SPOCK2: variants seen among roughly 807,000 people sequenced by gnomAD.
SPOCK2 encodes testican-2.
Under a neutral mutation model 60.1 loss-of-function variants are expected in SPOCK2, and 39 were observed. The observed-to-expected ratio is 0.65, with a 90% CI of 0.50 to 0.85. The LOEUF (loss-of-function observed/expected upper bound fraction) is 0.85, where lower values mean the gene tolerates loss of function less well. Ranked by LOEUF, SPOCK2 falls within the 40% of genes least tolerant of loss-of-function variation. The probability of loss-of-function intolerance (pLI) is 0.00; values close to 1 mark genes in which losing one functional copy is unlikely to be tolerated. For missense variants in SPOCK2, 523 were observed against 567.4 expected, an observed-to-expected ratio of 0.92 and a Z score of 0.80; for synonymous variants, 217 against 231.5, an observed-to-expected ratio of 0.94 and a Z score of 0.57.
Position 72,072,496 on chromosome 10 carries a change from A to G in SPOCK2, c.244+7T>C, listed in dbSNP as rs375869282. 6.2e-7 allele frequency: 1 copy of G among 1,613,858 alleles called. No individual in the cohort carries two copies. The highest frequency in any genetic ancestry group is 8.5e-7 in the Non-Finnish European group (1 of 1,180,014). ...GTCACCTTCCCCCGCCGGGAGAGTCATGTTACCTTCATCTCCTTGCTGATT... is the reference window on the plus strand; with the variant it reads ...GTCACCTTCCCCCGCCGGGAGAGTCGTGTTACCTTCATCTCCTTGCTGATT... On this transcript the variant is annotated splice_region_variant and intron_variant, in intron 3 of 10. Coordinates refer to ENST00000373109, the MANE Select transcript of SPOCK2 (RefSeq NM_001244950.2).
Position 72,080,053 on chromosome 10 carries a change from C to T in SPOCK2, c.190-7143G>A, listed in dbSNP as rs545789009. Reference sequence around the variant, plus strand: ...GACACAAGACAGGACACCTGAACCCCGGGTTCTCTGGCACACACCCGGGGA... The same window carrying T: ...GACACAAGACAGGACACCTGAACCCTGGGTTCTCTGGCACACACCCGGGGA... On this transcript the variant is annotated intron_variant, in intron 1 of 10. Transcript: ENST00000373109. 1.4e-4 allele frequency among the ~76,000 whole-genome samples: 22 copies of T among 152,202 alleles called. No homozygotes were observed. In the South Asian group the frequency reaches 3.5e-3, roughly 24 times the overall value.
At chr10:72,064,093 G>T (rs1175993474) in intron 9 of SPOCK2, 85 bp downstream of exon 9, 7 of 1,524,840 alleles carry the variant, frequency 4.6e-6, no homozygotes, top group Non-Finnish European at 6.2e-6. Flanking sequence ...CTGCCATGAG[G>T]CCCAAGGCTG....
rs2306322 is a variant in SPOCK2 at position 72,063,097 on chromosome 10, C to T, written c.1057G>A (p.Gly353Ser). 4.3e-3 allele frequency: 6,641 copies of T among 1,555,236 alleles called. 34 individuals carry two copies. Among genetic ancestry groups the T allele is most frequent in the East Asian group, 0.022 (903 of 41,110 alleles). The change falls in exon 10 of 11, where the codon GGT (glycine) becomes AGT (serine). Residue 353 changes from glycine (G) to serine (S), a missense_variant. Gly to Ser is a moderately conservative substitution (Grantham distance 56, BLOSUM62 0). Coordinates refer to ENST00000373109, the MANE Select transcript of SPOCK2 (RefSeq NM_001244950.2). ...YRKMQCDQSS[G>S]DCWCVDQLGL... ...AGCTGGTCCACACACCAGCAGTCAC[C>T]GCTGCTCTGGTCACACTGCATCTTC...
At chr10:72,088,062 GC>G in intron 1 of SPOCK2, 77 bp downstream of exon 1, 2 of 1,543,590 alleles carry the variant, frequency 1.3e-6, no homozygotes, top group South Asian at 1.2e-5. Context: ...ACGTGCGGCG[GC>G]CGCTCCCGCA....
intron 9 of SPOCK2, among the ~76,000 whole-genome samples, chr10:72,063,604 G>A (rs906458040): frequency 6.6e-6 from 1 of 152,222 alleles, no homozygotes; most frequent in African/African-American, 2.4e-5. Flanking sequence ...TTGCTTTCCT[G>A]CAGGCTCCCC....
In SPOCK2 at chr10:72,063,109, C is replaced by A; in HGVS notation, c.1045G>T (p.Asp349Tyr). 1 of 1,555,958 alleles carries A rather than the reference C, an allele frequency of 6.4e-7. No homozygotes were observed. The highest frequency in any genetic ancestry group is 8.7e-7 in the Non-Finnish European group (1 of 1,149,372). The stretch of plus-strand genomic sequence containing the variant: ...CACCAGCAGTCACCGCTGCTCTGGT[C>A]ACACTGCATCTTCCGGTAGTAGCCA... ...EDGYYRKMQCDQSSGDCWCVD... is the reference protein window; with the variant it reads ...EDGYYRKMQCYQSSGDCWCVD... The change falls in exon 10 of 11, where the codon GAC (aspartate) becomes TAC (tyrosine). Residue 349 changes from aspartate to tyrosine, a missense_variant. Coordinates refer to ENST00000373109, the MANE Select transcript of SPOCK2 (RefSeq NM_001244950.2).
chr10:72,072,302 C>T, intron 3 of SPOCK2, 44 bp from the exon 4 acceptor site: 1 of 1,477,196 alleles, frequency 6.8e-7, no homozygotes, highest in Non-Finnish European at 9.0e-7. Context: ...TGGGAGAACC[C>T]AGGAACCTCC....
intron 5 of SPOCK2, 151 bp from the exon 6 acceptor site, chr10:72,068,452 G>A: frequency 2.5e-6 from 2 of 789,502 alleles, no homozygotes; most frequent in South Asian, 1.9e-5. Flanking sequence ...TGGTTCCTCT[G>A]CAGACTGAGG....
intron 5 of SPOCK2, chr10:72,069,011 G>A (rs1840610216): frequency 6.5e-6 from 1 of 152,978 alleles, no homozygotes; most frequent in Non-Finnish European, 1.5e-5. Flanking sequence ...CCAGTGACTT[G>A]CCCAAGGCCA....
Position 72,062,458 on chromosome 10 carries a change from A to G in SPOCK2, c.*302T>C, listed in dbSNP as rs373390587. 8 of 431,754 alleles carry G rather than the reference A, an allele frequency of 1.9e-5. 1 individual carries two copies. The highest frequency in any genetic ancestry group is 6.1e-5 in the African/African-American group (3 of 49,106). The allele number at this position is 431,754 out of a possible 1,614,324, so 26.7% of individuals were successfully genotyped here. ...AACAACAAAAGGAAAGAAAACAGCTACAAGGAGGCCGAAGGGGCCTTTGGG... is the reference window on the plus strand; with the variant it reads ...AACAACAAAAGGAAAGAAAACAGCTGCAAGGAGGCCGAAGGGGCCTTTGGG... On this transcript the variant is annotated 3_prime_UTR_variant, in exon 11 of 11. Coordinates refer to ENST00000373109, the MANE Select transcript of SPOCK2 (RefSeq NM_001244950.2). This position sits in a 1 kb window ranked among gnomAD's most constrained non-coding sequence, Gnocchi z 4.3.
At position 72,067,055 on chromosome 10, in the gene SPOCK2, T is replaced by C. The variant is rs746401244; in HGVS notation, c.775A>G (p.Thr259Ala). ...TGGTCCAGGAAGAGGTCAGCACTGG[T>C]GTCCAGCTTGGAGAACATCCAGCCA... ...SIGWMFSKLD[T>A]SADLFLDQTE... Residue 259 changes from threonine (T) to alanine (A), a missense_variant, in exon 8 of 11, where the codon ACC becomes GCC. Transcript: ENST00000373109. 7 of 1,614,122 alleles carry C rather than the reference T, an allele frequency of 4.3e-6. No individual in the cohort carries two copies. Among genetic ancestry groups the C allele is most frequent in the Admixed American group, 3.3e-5 (2 of 60,012 alleles).
intron 9 of SPOCK2, 136 bp from the exon 10 acceptor site, chr10:72,063,298 C>G: frequency 1.6e-6 from 2 of 1,275,948 alleles, no homozygotes; most frequent in South Asian, 1.5e-5. Flanking sequence ...TGCTGACCCC[C>G]CAACAGGCCC....
In SPOCK2 at chr10:72,063,215, C is replaced by G. The variant is rs369090778; in HGVS notation, c.992-53G>C. Reference sequence around the variant, plus strand: ...AGAGCAGGGGCCCAGGCTGTGGGCCCCTCAGAGAGGTGACCTCAGGTCCTC... The same window carrying G: ...AGAGCAGGGGCCCAGGCTGTGGGCCGCTCAGAGAGGTGACCTCAGGTCCTC... On this transcript the variant is annotated intron_variant, in intron 9 of 10. Coordinates refer to ENST00000373109, the MANE Select transcript of SPOCK2 (RefSeq NM_001244950.2). The G allele has an allele frequency of 1.7e-4, 269 of 1,547,688 alleles. 1 individual carries two copies. In the East Asian group the frequency reaches 5.4e-3, roughly 31 times the overall value.
At chr10:72,065,299 G>C (rs1462243595) in intron 8 of SPOCK2, among the ~76,000 whole-genome samples, 1 of 152,136 alleles carries the variant, frequency 6.6e-6, no homozygotes. Context: ...GCCTCCCAAA[G>C]TGCTGGGATT....
In SPOCK2 at chr10:72,062,155, A is replaced by C. The variant is rs1429554478; in HGVS notation, c.*605T>G. On this transcript the variant is annotated 3_prime_UTR_variant, in exon 11 of 11. Coordinates refer to ENST00000373109, the MANE Select transcript of SPOCK2 (RefSeq NM_001244950.2). The surrounding 1 kb of genome is among the most constrained non-coding windows in gnomAD (Gnocchi z 4.3). ...CTCATCTGAGGCTGGTGGGGATGTC[A>C]CACCACATCGGCCCAGTTTTGGGAG... The C allele has an allele frequency of 6.5e-6, 1 of 152,680 alleles. No homozygotes were observed. Among genetic ancestry groups the C allele is most frequent in the Non-Finnish European group, 1.5e-5 (1 of 68,476 alleles). 9.5% of individuals were successfully genotyped at this position (152,680 alleles called of 1,614,324 possible).
intron 4 of SPOCK2, among the ~76,000 whole-genome samples, chr10:72,071,395 G>A (rs767315056): frequency 3.3e-5 from 5 of 152,128 alleles, no homozygotes; most frequent in Non-Finnish European, 7.4e-5. Context: ...CACCACATTG[G>A]TCAGGCTGGT....
chr10:72,071,195 G>GT (rs895008574), intron 4 of SPOCK2, among the ~76,000 whole-genome samples: 3,664 of 144,798 alleles, frequency 0.025, 124 homozygotes, highest in African/African-American at 0.077. Context: ...GTTTTGTTGT[G>GT]TTTTTTTTTT....
Position 72,064,223 on chromosome 10 carries a change from C to T in SPOCK2, c.946G>A (p.Glu316Lys). 1 of 1,606,308 alleles carries T rather than the reference C, an allele frequency of 6.2e-7. No individual in the cohort carries two copies. Among genetic ancestry groups the T allele is most frequent in the Non-Finnish European group, 8.5e-7 (1 of 1,177,246 alleles). Residue 316 changes from glutamate (E) to lysine (K), a missense_variant, in exon 9 of 11, where the codon GAG becomes AAG. Coordinates refer to ENST00000373109, the MANE Select transcript of SPOCK2 (RefSeq NM_001244950.2). The part of the protein sequence containing the change: ...FWREKPPCLA[E>K]LERIQIQEAA... ...TCCTGGATCTGGATGCGCTCCAGCT[C>T]TGCCAGGCAGGGGGGCTCTGTGGGG...
intron 1 of SPOCK2, among the ~76,000 whole-genome samples, chr10:72,082,085 CCAG>C (rs1746888166): frequency 6.6e-6 from 1 of 152,220 alleles, no homozygotes; most frequent in African/African-American, 2.4e-5. Flanking sequence ...ATTACAAATA[CCAG>C]CAGAAGGACT....
Sources: gnomAD v4.1 joint callset for allele counts (sites outside exome capture counted in the v4.1 genomes callset) on GRCh38, gnomAD v4.1.1 for gene constraint, Gnocchi (gnomAD v3.1) non-coding constraint, MANE v1.5 for transcripts, NCBI Gene and HGNC (gene_info 2026-07-23, HGNC 2026-07-21) for gene names.